The following PALM2AKAP2 variants were observed in gnomAD, a reference collection of about 807,000 sequenced individuals.
PALM2AKAP2 encodes PALM2-AKAP2 fusion protein.
A neutral mutation model predicts 71.5 loss-of-function variants in PALM2AKAP2; 37 were observed. The observed-to-expected ratio is 0.52, with a 90% CI of 0.40 to 0.68. PALM2AKAP2 has a LOEUF of 0.68. Among genes scored for constraint, PALM2AKAP2 ranks in the 30% least tolerant of loss-of-function variants. The pLI, the probability that PALM2AKAP2 is intolerant of heterozygous loss-of-function variation, is 0.00. For missense variants in PALM2AKAP2, 1,224 were observed against 1,191.8 expected (o/e 1.03, Z -0.40); for synonymous variants, 468 against 478.8 (o/e 0.98, Z 0.29).
At chr9:110,083,370 C>T (rs938477265) in intron 1 of PALM2AKAP2, among the ~76,000 whole-genome samples, 3 of 152,026 alleles carry the variant, frequency 2.0e-5, no homozygotes, top group Non-Finnish European at 4.4e-5. Context: ...GAAAACGAGG[C>T]AACAACAGCG....
intron 7 of PALM2AKAP2, among the ~76,000 whole-genome samples, chr9:110,043,009 AT>A (rs1183315465): frequency 2.0e-5 from 3 of 151,906 alleles, no homozygotes; most frequent in African/African-American, 7.3e-5. Context: ...CATTCTTTCT[AT>A]TTTTTGGTAT....
At chr9:110,164,510 GTTTA>G (rs1170489773) in intron 3 of PALM2AKAP2, among the ~76,000 whole-genome samples, 2 of 140,500 alleles carry the variant, frequency 1.4e-5, no homozygotes, top group Admixed American at 7.1e-5. Flanking sequence ...ATAAAACTTT[GTTTA>G]TTTATTTAGT....
intron 1 of PALM2AKAP2, among the ~76,000 whole-genome samples, chr9:110,111,109 T>G (rs1835241302): frequency 7.2e-6 from 1 of 139,246 alleles, no homozygotes. Context: ...TTTTTTTTTT[T>G]GAGACGGAGT....
chr9:109,886,082 TG>T (rs1380853782), intron 3 of PALM2AKAP2, among the ~76,000 whole-genome samples: 4 of 152,254 alleles, frequency 2.6e-5, no homozygotes, highest in African/African-American at 9.6e-5. Context: ...TAAATAAGAT[TG>T]GAATTGTTGA....
At chr9:110,071,163 CA>C (rs768229567) in intron 1 of PALM2AKAP2, among the ~76,000 whole-genome samples, 152 of 101,766 alleles carry the variant, frequency 1.5e-3, no homozygotes, top group East Asian at 2.8e-3. Flanking sequence ...GACTCTGTTT[CA>C]AAAAAAAAAA....
chr9:109,761,126 A>G (rs909016413), intron 1 of PALM2AKAP2, among the ~76,000 whole-genome samples: 1 of 152,228 alleles, frequency 6.6e-6, no homozygotes, highest in South Asian at 2.1e-4. Context: ...AAAGTGATCT[A>G]TTTGAATGAA....
chr9:109,809,748 A>G (rs1277399677), intron 1 of PALM2AKAP2, among the ~76,000 whole-genome samples: 5 of 152,190 alleles, frequency 3.3e-5, no homozygotes, highest in Non-Finnish European at 7.3e-5. Flanking sequence ...CTCATCTTGA[A>G]TTGTAGTTCC....
Position 109,959,633 on chromosome 9 carries a change from A to G in PALM2AKAP2, c.496+27605A>G, listed in dbSNP as rs1468296776. ...GCACTCCAGCCTGGGTGACAGAGCAAGACTCCGTCTCAAAAAAAAAAAAAA... is the reference window on the plus strand; with the variant it reads ...GCACTCCAGCCTGGGTGACAGAGCAGGACTCCGTCTCAAAAAAAAAAAAAA... On this transcript the variant is annotated intron_variant, in intron 6 of 9. Transcript: ENST00000302798. Among the ~76,000 whole-genome samples, 5 of 146,328 alleles carry G rather than the reference A, an allele frequency of 3.4e-5. No homozygotes were observed. The East Asian group carries it at 1.0e-3, about 31-fold the overall frequency.
Position 110,016,019 on chromosome 9 carries a change from G to A in PALM2AKAP2, c.562G>A (p.Gly188Ser), listed in dbSNP as rs781609321. Residue 188 changes from glycine to serine, a missense_variant, in exon 7 of 10, where the codon GGC becomes AGC. Transcript: ENST00000302798. ...AGCCTCGAACGCCACAGAAACATCC[G>A]GCCCAGACATGACTATCAAGGTAAG... 16 of 1,613,676 alleles carry A rather than the reference G, an allele frequency of 9.9e-6. No homozygotes were observed. Among genetic ancestry groups the A allele is most frequent in the African/African-American group, 1.3e-5 (1 of 74,860 alleles).
chr9:109,777,377 G>A (rs999026157), upstream of PALM2AKAP2, among the ~76,000 whole-genome samples: 3 of 151,984 alleles, frequency 2.0e-5, no homozygotes, highest in Admixed American at 2.0e-4. Context: ...TGTATCTTTG[G>A]CCTAATTTCC....
At position 109,760,178 on chromosome 9, in the gene PALM2AKAP2, C is replaced by T. The variant is rs530096529; in HGVS notation, c.6-20310C>T. On this transcript the variant is annotated intron_variant, in intron 1 of 6. Transcript: ENST00000374531. The stretch of plus-strand genomic sequence containing the variant: ...GTAGCATTTTGTGTCTATTTTTACT[C>T]TAAACCGCAGTACTTTAAAATTAAA... Among the ~76,000 whole-genome samples the T allele has an allele frequency of 2.6e-5, 4 of 152,198 alleles. No homozygotes were observed. The South Asian group carries it at 8.3e-4, about 32-fold the overall frequency.
In PALM2AKAP2 at chr9:109,688,351, C is replaced by T. The variant is rs113052868; in HGVS notation, c.5+47485C>T. Among the ~76,000 whole-genome samples, 1,169 of 152,216 alleles carry T rather than the reference C, an allele frequency of 7.7e-3. 17 individuals carry two copies. The highest frequency in any genetic ancestry group is 0.026 in the African/African-American group (1,091 of 41,516). On this transcript the variant is annotated intron_variant, in intron 1 of 6. Coordinates refer to the PALM2AKAP2 transcript ENST00000374531. ...AATGAACAATAAATCATTTGTAAAC[C>T]CATACTGGTCTGTGAACCAAACTTT...
At chr9:109,904,277 A>C (rs1447187876) in intron 3 of PALM2AKAP2, among the ~76,000 whole-genome samples, 1 of 152,220 alleles carries the variant, frequency 6.6e-6, no homozygotes, top group African/African-American at 2.4e-5. Flanking sequence ...AGGTGTTTAG[A>C]TTCCCTTTTG....
chr9:110,022,482 G>A (rs560470576), intron 7 of PALM2AKAP2, among the ~76,000 whole-genome samples: 35 of 151,970 alleles, frequency 2.3e-4, no homozygotes, highest in South Asian at 6.2e-4. Flanking sequence ...TGATCTTCCT[G>A]CTCTCCCTCT....
chr9:109,753,729 G>A lies in PALM2AKAP2; in HGVS notation c.6-26759G>A, dbSNP rs367552133. 5.9e-5 allele frequency among the ~76,000 whole-genome samples: 9 copies of A among 152,238 alleles called. No homozygotes were observed. In the East Asian group the frequency reaches 9.7e-4, roughly 16 times the overall value. On this transcript the variant is annotated intron_variant, in intron 1 of 6. Coordinates refer to the PALM2AKAP2 transcript ENST00000374531. ...ACTCATCGAGGCAGTTAGAGATTGTGCCTATCGTTTACTAAATTATAAAAA... is the reference window on the plus strand; with the variant it reads ...ACTCATCGAGGCAGTTAGAGATTGTACCTATCGTTTACTAAATTATAAAAA...
At position 109,937,856 on chromosome 9, in the gene PALM2AKAP2, C is replaced by T. The variant is rs74590275; in HGVS notation, c.496+5828C>T. On this transcript the variant is annotated intron_variant, in intron 6 of 9. Coordinates refer to the PALM2AKAP2 transcript ENST00000302798. The stretch of plus-strand genomic sequence containing the variant: ...TTCAGGGCTCCCCAGAAAGCCCTCA[C>T]CCCTCAACAGCACTCCCTCCTCATT... Among the ~76,000 whole-genome samples the T allele has an allele frequency of 6.0e-3, 920 of 152,296 alleles. 7 individuals are homozygous for T. Among genetic ancestry groups the T allele is most frequent in the Non-Finnish European group, 7.8e-3 (534 of 68,032 alleles).
At chr9:109,914,762 G>A (rs138711226) in intron 3 of PALM2AKAP2, among the ~76,000 whole-genome samples, 77 of 152,358 alleles carry the variant, frequency 5.1e-4, no homozygotes, top group African/African-American at 1.5e-3. Context: ...AGGGTAGGGC[G>A]TAACCCTAGT....
chr9:109,700,460 A>G (rs950751524), intron 1 of PALM2AKAP2, among the ~76,000 whole-genome samples: 7 of 152,092 alleles, frequency 4.6e-5, no homozygotes, highest in African/African-American at 1.7e-4. Flanking sequence ...TTCCTTTATA[A>G]ATTACCCAGT....
chr9:109,888,711 C>CAAAAA (rs34495775), intron 3 of PALM2AKAP2, among the ~76,000 whole-genome samples: 7 of 98,794 alleles, frequency 7.1e-5, no homozygotes, highest in South Asian at 3.9e-4. Flanking sequence ...ATTTTGCCTC[C>CAAAAA]AAAAAAAAAA....
Sources: gnomAD v4.1 joint callset for allele counts (sites outside exome capture counted in the v4.1 genomes callset) on GRCh38, gnomAD v4.1.1 for gene constraint, MANE v1.5 for transcripts, NCBI Gene and HGNC (gene_info 2026-07-23, HGNC 2026-07-21) for gene names.